Variants in TOM1L2 observed in about 807,000 individuals in gnomAD.
TOM1L2 encodes the protein TOM1-like protein 2.
Under a neutral mutation model 67.9 loss-of-function variants are expected in TOM1L2, and 31 were observed. That is an observed-to-expected ratio of 0.46 (90% CI 0.34 to 0.62). TOM1L2 has a LOEUF of 0.62. Ranked by LOEUF, TOM1L2 falls within the 20% of genes least tolerant of loss-of-function variation. TOM1L2 has a pLI of 0.01. For missense variants in TOM1L2, 606 were observed against 663.5 expected (o/e 0.91, Z 0.95); for synonymous variants, 256 against 254.0 (o/e 1.01, Z -0.07).
In TOM1L2 at chr17:17,867,338, G is replaced by C. The variant is rs922448337; in HGVS notation, c.912-414C>G. Among the ~76,000 whole-genome samples, 4 of 152,220 alleles carry C rather than the reference G, an allele frequency of 2.6e-5. No homozygotes were observed. The East Asian group carries it at 5.8e-4, about 22-fold the overall frequency. On this transcript the variant is annotated intron_variant, in intron 8 of 14. Transcript: ENST00000379504. ...GCTCCCAACTCAGCCTCTGGGGAAA[G>C]GGGGTGGGGCACACATAGGGTGGGC...
chr17:17,871,884 AATT>A, intron 7 of TOM1L2: 3 of 768,392 alleles, frequency 3.9e-6, no homozygotes, highest in Non-Finnish European at 4.8e-6. Flanking sequence ...CAAGTGCTAG[AATT>A]AATAAGAGGT....
chr17:17,931,115 G>T (rs1598360137), intron 1 of TOM1L2, among the ~76,000 whole-genome samples: 2 of 151,632 alleles, frequency 1.3e-5, no homozygotes, highest in Admixed American at 6.6e-5. Context: ...TTCCTATTTT[G>T]CCCCATCCCA....
chr17:17,866,519 TATC>T (rs908575316), intron 9 of TOM1L2, 100 bp from the exon 10 acceptor site: 1 of 1,413,412 alleles, frequency 7.1e-7, no homozygotes, highest in African/African-American at 1.4e-5. Context: ...AGAAGAAAAG[TATC>T]AGCGCTGCTC....
At chr17:17,926,614 G>A (rs2040094475) in intron 1 of TOM1L2, among the ~76,000 whole-genome samples, 1 of 152,150 alleles carries the variant, frequency 6.6e-6, no homozygotes, top group Admixed American at 6.5e-5. Context: ...TGTAATCCCA[G>A]CAGTTTTGGA....
rs117964680 is a variant in TOM1L2, at chr17:17,863,642, C to T, written c.1085-794G>A. ...ATGGCTCACTTTAGCCTTGACCTCC[C>T]GGGCTAAGTGATCCTCCCACCTTGG... On this transcript the variant is annotated intron_variant, in intron 10 of 14. Transcript: ENST00000379504. Among the ~76,000 whole-genome samples, 535 of 151,422 alleles carry T rather than the reference C, an allele frequency of 3.5e-3. 13 individuals carry two copies. The East Asian group carries it at 0.064, about 18-fold the overall frequency.
intron 1 of TOM1L2, among the ~76,000 whole-genome samples, chr17:17,957,025 CAA>C (rs2041487247): frequency 1.3e-5 from 2 of 152,374 alleles, no homozygotes; most frequent in Admixed American, 6.5e-5. Context: ...TGTCACCTCT[CAA>C]GAGTACAGTG....
chr17:17,930,216 G>C (rs1028806781), intron 1 of TOM1L2, among the ~76,000 whole-genome samples: 1 of 152,180 alleles, frequency 6.6e-6, no homozygotes, highest in Non-Finnish European at 1.5e-5. Flanking sequence ...TCATTTTACC[G>C]AGTGTTGCCT....
chr17:17,939,323 CCA>C (rs1470873045), intron 1 of TOM1L2, among the ~76,000 whole-genome samples: 9 of 152,202 alleles, frequency 5.9e-5, no homozygotes, highest in African/African-American at 2.2e-4. Context: ...CAGCCACTGC[CCA>C]CAGTCACCTC....
At chr17:17,955,399 C>T (rs1195745825) in intron 1 of TOM1L2, among the ~76,000 whole-genome samples, 5 of 141,258 alleles carry the variant, frequency 3.5e-5, no homozygotes, top group African/African-American at 8.1e-5. Context: ...AGTACAGTGA[C>T]GACATCTCTG....
At position 17,846,081 on chromosome 17, in the gene TOM1L2, AC is replaced by A. The variant is rs1449353285; in HGVS notation, c.*1553del. On this transcript the variant is annotated 3_prime_UTR_variant, in exon 15 of 15. Coordinates refer to ENST00000379504, the MANE Select transcript of TOM1L2 (RefSeq NM_001082968.2). Reference sequence around the variant, plus strand: ...ATAGTTCCTGTTGGTGCTCAGCATGACCCCCAGCTGAAGTCGCCATCCTGAA... The same window carrying A: ...ATAGTTCCTGTTGGTGCTCAGCATGACCCCAGCTGAAGTCGCCATCCTGAA... 6.6e-6 allele frequency: 1 copy of A among 151,932 alleles called. No individual in the cohort carries two copies. The highest frequency in any genetic ancestry group is 1.5e-5 in the Non-Finnish European group (1 of 67,968). 9.4% of individuals were successfully genotyped at this position (151,932 alleles called of 1,614,324 possible). A position where few individuals can be genotyped will look rare whatever the true frequency, so the allele number is the denominator to read the frequency against.
In TOM1L2 at chr17:17,845,207, C is replaced by T. The variant is rs182987019; in HGVS notation, c.*2428G>A. Reference sequence around the variant, plus strand: ...CCGGATAGGAGGTGCAAGCAGGCCACCTGAGGGGTGGCTCCAGGCTAGGAA... The same window carrying T: ...CCGGATAGGAGGTGCAAGCAGGCCATCTGAGGGGTGGCTCCAGGCTAGGAA... On this transcript the variant is annotated 3_prime_UTR_variant, in exon 15 of 15. Transcript: ENST00000379504. 1 of 152,336 alleles carries T rather than the reference C, an allele frequency of 6.6e-6. No homozygotes were observed. Among genetic ancestry groups the T allele is most frequent in the African/African-American group, 2.4e-5 (1 of 41,566 alleles). 9.4% of individuals were successfully genotyped at this position (152,336 alleles called of 1,614,324 possible).
At chr17:17,862,901 A>C in intron 10 of TOM1L2, 53 bp from the exon 11 acceptor site, 1 of 1,271,984 alleles carries the variant, frequency 7.9e-7, no homozygotes. Context: ...TAGACTGTAG[A>C]TCTGATGAAG....
intron 1 of TOM1L2, among the ~76,000 whole-genome samples, chr17:17,918,742 A>G (rs1421631223): frequency 6.6e-6 from 1 of 152,162 alleles, no homozygotes; most frequent in Non-Finnish European, 1.5e-5. Flanking sequence ...CAGTTCACAC[A>G]AGGACTGAGC....
rs184721103 is a variant in TOM1L2 at position 17,874,893 on chromosome 17, G to T, written c.777+4734C>A. Among the ~76,000 whole-genome samples the T allele has an allele frequency of 6.4e-4, 98 of 152,292 alleles. 1 individual carries two copies. Among genetic ancestry groups the T allele is most frequent in the East Asian group, 7.7e-4 (4 of 5,180 alleles). On this transcript the variant is annotated intron_variant, in intron 7 of 14. Coordinates refer to ENST00000379504, the MANE Select transcript of TOM1L2 (RefSeq NM_001082968.2). ...TATGACCTGGGGCTTCCACATCAGG[G>T]ATTTCCAGGGGTCTCTGCACAGAGA...
chr17:17,874,963 A>G (rs1326390985), intron 7 of TOM1L2, among the ~76,000 whole-genome samples: 1 of 152,122 alleles, frequency 6.6e-6, no homozygotes, highest in Non-Finnish European at 1.5e-5. Context: ...CCTGTCTCAA[A>G]AAGGAAGAAA....
intron 4 of TOM1L2, among the ~76,000 whole-genome samples, chr17:17,889,697 AG>A (rs1177869630): frequency 2.0e-5 from 3 of 152,196 alleles, no homozygotes; most frequent in Non-Finnish European, 4.4e-5. Context: ...CATAATGGAA[AG>A]GTTAAGGCTG....
At chr17:17,906,693 T>C (rs961995191) in intron 2 of TOM1L2, among the ~76,000 whole-genome samples, 28 of 152,216 alleles carry the variant, frequency 1.8e-4, no homozygotes, top group Admixed American at 9.2e-4. Context: ...AGGACCAAGC[T>C]TGAGAGGCTG....
At chr17:17,934,694 C>A (rs948333938) in intron 1 of TOM1L2, among the ~76,000 whole-genome samples, 1 of 152,100 alleles carries the variant, frequency 6.6e-6, no homozygotes, top group African/African-American at 2.4e-5. Context: ...TCAGAAATAA[C>A]AATATGCGAT....
intron 2 of TOM1L2, among the ~76,000 whole-genome samples, chr17:17,905,578 G>A (rs937027271): frequency 2.6e-5 from 4 of 151,930 alleles, no homozygotes; most frequent in Admixed American, 1.3e-4. Context: ...TTACTCTGTC[G>A]CCCAGGCTAG....
Sources: gnomAD v4.1 joint callset for allele counts (sites outside exome capture counted in the v4.1 genomes callset) on GRCh38, gnomAD v4.1.1 for gene constraint, MANE v1.5 for transcripts, NCBI Gene and HGNC (gene_info 2026-07-23, HGNC 2026-07-21) for gene names.